Variants in EML6 observed in about 807,000 individuals in gnomAD.
EML6 encodes the protein EMAP like 6, also known as echinoderm microtubule-associated protein-like 6.
A neutral mutation model predicts 240.1 loss-of-function variants in EML6; 154 were observed. That is an observed-to-expected ratio of 0.64 (90% confidence interval 0.56 to 0.73). EML6 has a LOEUF of 0.73. EML6 is among the 30% of genes least tolerant of loss of function. The pLI is 0.00. For missense variants in EML6, 2,964 were observed against 2,474.6 expected, an observed-to-expected ratio of 1.20 and a Z score of -4.20; for synonymous variants, 1,148 against 899.0, an observed-to-expected ratio of 1.28 and a Z score of -4.95.
At chr2:54,899,836 G>A (rs1486811386) in intron 22 of EML6, 54 bp downstream of exon 22, 2 of 1,491,080 alleles carry the variant, frequency 1.3e-6, no homozygotes, top group Non-Finnish European at 1.8e-6. Flanking sequence ...AACAGAATGT[G>A]TCATATTTAT....
chr2:54,740,352 A>T (rs1683576272), intron 2 of EML6, among the ~76,000 whole-genome samples: 1 of 152,154 alleles, frequency 6.6e-6, no homozygotes, highest in Non-Finnish European at 1.5e-5. Flanking sequence ...AGGGAAGTAG[A>T]ATGCCCTTGA....
intron 18 of EML6, 133 bp from the exon 19 acceptor site, chr2:54,892,321 C>G: frequency 1.6e-6 from 1 of 634,154 alleles, no homozygotes; most frequent in Non-Finnish European, 2.8e-6. Flanking sequence ...TCATGATGTT[C>G]TCTGTCACTT....
At chr2:54,849,933 G>A (rs1352513922) in intron 9 of EML6, 29 bp from the exon 10 acceptor site, 2 of 1,532,836 alleles carry the variant, frequency 1.3e-6, no homozygotes, top group South Asian at 2.4e-5. Flanking sequence ...TAGAATTGCT[G>A]CTTATCGTTT....
rs1302531840 is a variant in EML6 at position 54,959,261 on chromosome 2, C to T, written c.4853C>T (p.Pro1618Leu). ...ATAGTGACCGGCGGAAAAGAGAGGC[C>T]GTAAGCCAAAGCTCCTATGGAAACA... ...GLIVTGGKER[P>L]TKEGGAVKLW... Residue 1618 changes from proline to leucine, a missense_variant and splice_region_variant, in exon 34 of 42, where the codon CCG becomes CTG. Transcript: ENST00000356458. 7 of 1,526,036 alleles carry T rather than the reference C, an allele frequency of 4.6e-6. No homozygotes were observed. The highest frequency in any genetic ancestry group is 1.7e-4 in the Middle Eastern group (1 of 5,868). The allele number at this position is 1,526,036 out of a possible 1,614,324, so 94.5% of individuals were successfully genotyped here.
chr2:54,728,586 C>A (rs1180902542), intron 2 of EML6, among the ~76,000 whole-genome samples: 1 of 152,120 alleles, frequency 6.6e-6, no homozygotes, highest in Non-Finnish European at 1.5e-5. Context: ...CTTTTCAGGG[C>A]CTTGTTTATT....
At chr2:54,912,204 G>A (rs1436010029) in intron 25 of EML6, among the ~76,000 whole-genome samples, 1 of 152,142 alleles carries the variant, frequency 6.6e-6, no homozygotes, top group Non-Finnish European at 1.5e-5. Flanking sequence ...ATAGATCATG[G>A]CATTGTATTA....
At chr2:54,854,138 G>A (rs927995108) in intron 11 of EML6, among the ~76,000 whole-genome samples, 3 of 152,132 alleles carry the variant, frequency 2.0e-5, no homozygotes, top group Non-Finnish European at 2.9e-5. Context: ...TCATATTTAT[G>A]TAAATATTCA....
chr2:54,741,037 A>G (rs1455510681), intron 2 of EML6, among the ~76,000 whole-genome samples: 2 of 152,188 alleles, frequency 1.3e-5, no homozygotes, highest in Non-Finnish European at 2.9e-5. Flanking sequence ...TACTTAAGTT[A>G]AACAAACGTG....
Position 54,968,218 on chromosome 2 carries a change from C to A in EML6, c.5688C>A (p.Asn1896Lys). Residue 1896 changes from asparagine to lysine, a missense_variant, in exon 40 of 42, where the codon AAC (asparagine) becomes AAA (lysine). Coordinates refer to ENST00000356458, the MANE Select transcript of EML6 (RefSeq NM_001039753.4). ...NCACVTHAGL[N>K]IVTGDDFGLV... ...CATGTGTGACCCACGCTGGCCTGAACATTGTCACAGGAGATGACTTTGGGC... is the reference window on the plus strand; with the variant it reads ...CATGTGTGACCCACGCTGGCCTGAAAATTGTCACAGGAGATGACTTTGGGC... The A allele has an allele frequency of 6.4e-7, 1 of 1,551,756 alleles. No homozygotes were observed. The highest frequency in any genetic ancestry group is 1.4e-5 in the African/African-American group (1 of 73,176).
intron 13 of EML6, among the ~76,000 whole-genome samples, chr2:54,866,188 G>A (rs1424592079): frequency 6.6e-6 from 1 of 152,208 alleles, no homozygotes; most frequent in African/African-American, 2.4e-5. Flanking sequence ...TTCTCCACCT[G>A]TTAAATGGAC....
chr2:54,793,083 C>G (rs1179326925), intron 2 of EML6, among the ~76,000 whole-genome samples: 1 of 152,082 alleles, frequency 6.6e-6, no homozygotes, highest in African/African-American at 2.4e-5. Context: ...GTCTCGTCAA[C>G]ATCGTGTAAC....
chr2:54,837,948 C>T (rs1669239701), intron 7 of EML6, among the ~76,000 whole-genome samples: 1 of 152,134 alleles, frequency 6.6e-6, no homozygotes, highest in Non-Finnish European at 1.5e-5. Flanking sequence ...CTATTAAATA[C>T]GAGCCTCTGC....
intron 26 of EML6, among the ~76,000 whole-genome samples, chr2:54,921,581 C>CT (rs1234491222): frequency 6.6e-6 from 1 of 151,934 alleles, no homozygotes; most frequent in East Asian, 1.9e-4. Context: ...GAAAAACAAC[C>CT]TTAAAATGTG....
intron 26 of EML6, among the ~76,000 whole-genome samples, chr2:54,921,803 G>T (rs1282327476): frequency 6.6e-6 from 1 of 152,170 alleles, no homozygotes; most frequent in South Asian, 2.1e-4. Flanking sequence ...CTTTGACAAG[G>T]ATACCAAAAA....
chr2:54,870,131 C>T (rs1240632910), intron 15 of EML6, among the ~76,000 whole-genome samples: 1 of 152,116 alleles, frequency 6.6e-6, no homozygotes, highest in Non-Finnish European at 1.5e-5. Context: ...TCTAAGAAAA[C>T]ATTCTTGGTA....
In EML6 at chr2:54,957,869, T is replaced by A. The variant is rs1431229817; in HGVS notation, c.4566T>A (p.Phe1522Leu). 1.3e-6 allele frequency: 2 copies of A among 1,551,228 alleles called. No individual in the cohort carries two copies. Among genetic ancestry groups the A allele is most frequent in the South Asian group, 2.4e-5 (2 of 84,042 alleles). The change falls in exon 33 of 42, where the codon TTT becomes TTA. Residue 1522 changes from phenylalanine (F) to leucine (L), a missense_variant. Phe to Leu is a conservative substitution (Grantham distance 22). Coordinates refer to ENST00000356458, the MANE Select transcript of EML6 (RefSeq NM_001039753.4). ...TTCGCCCCGACTCAGACACGCAGTT[T>A]GTATCTGTCGGGGTCAAACATATGA... Reference protein sequence around the residue: ...VEFRPDSDTQFVSVGVKHMKF... With the variant: ...VEFRPDSDTQLVSVGVKHMKF...
At chr2:54,800,027 A>G (rs1670036766) in intron 2 of EML6, among the ~76,000 whole-genome samples, 1 of 152,092 alleles carries the variant, frequency 6.6e-6, no homozygotes, top group South Asian at 2.1e-4. Flanking sequence ...CAGGTGGATC[A>G]TGAGGTCAGG....
chr2:54,855,360 TC>T (rs764940978), intron 11 of EML6, among the ~76,000 whole-genome samples: 28 of 152,064 alleles, frequency 1.8e-4, no homozygotes, highest in Non-Finnish European at 3.2e-4. Context: ...AGCAAGCAGA[TC>T]TCATGAAAAT....
At chr2:54,811,418 T>A (rs1200842476) in intron 2 of EML6, among the ~76,000 whole-genome samples, 4 of 152,248 alleles carry the variant, frequency 2.6e-5, no homozygotes, top group African/African-American at 9.6e-5. Flanking sequence ...GTCTTTCATA[T>A]GAACTCGTGT....
Sources: gnomAD v4.1 joint callset for allele counts (sites outside exome capture counted in the v4.1 genomes callset) on GRCh38, gnomAD v4.1.1 for gene constraint, MANE v1.5 for transcripts, NCBI Gene and HGNC (gene_info 2026-07-23, HGNC 2026-07-21) for gene names.